The following SGMS2 variants were observed in gnomAD, a reference collection of about 807,000 sequenced individuals.
The protein encoded by SGMS2 is sphingomyelin synthase 2.
A neutral mutation model predicts 43.8 loss-of-function variants in SGMS2; 21 were observed. The observed-to-expected ratio is 0.48, with a 90% CI of 0.34 to 0.69. The LOEUF (loss-of-function observed/expected upper bound fraction) is 0.69. SGMS2 is among the 30% of genes least tolerant of loss of function. The pLI is 0.01. For missense variants in SGMS2, 384 were observed against 443.2 expected (o/e 0.87, Z 1.20); for synonymous variants, 167 against 160.6 (o/e 1.04, Z -0.30).
chr4:107,894,987 G>A (rs1730545431), intron 2 of SGMS2, among the ~76,000 whole-genome samples: 1 of 152,076 alleles, frequency 6.6e-6, no homozygotes. Flanking sequence ...ATGACTTCAT[G>A]GTTAGCAACA....
chr4:107,869,520 G>A (rs985208634), intron 2 of SGMS2, among the ~76,000 whole-genome samples: 1 of 152,148 alleles, frequency 6.6e-6, no homozygotes, highest in Non-Finnish European at 1.5e-5. Flanking sequence ...TGTAAGCAAT[G>A]CTAAGAAACA....
At chr4:107,881,417 C>T (rs1026405314) in intron 2 of SGMS2, among the ~76,000 whole-genome samples, 1 of 152,024 alleles carries the variant, frequency 6.6e-6, no homozygotes, top group African/African-American at 2.4e-5. Context: ...TCTGCTACTT[C>T]CTCTCTGACC....
In SGMS2 at chr4:107,901,733, T is replaced by C. The variant is rs139497918; in HGVS notation, c.574-1500T>C. Among the ~76,000 whole-genome samples the C allele has an allele frequency of 6.1e-3, 935 of 152,300 alleles. 2 individuals are homozygous for C. The highest frequency in any genetic ancestry group is 0.031 in the Middle Eastern group (9 of 294). ...TCTTCAAAGTGTGTTTACATAAGTGTTGGCCCCATTATTATAAAAGGATTA... is the reference window on the plus strand; with the variant it reads ...TCTTCAAAGTGTGTTTACATAAGTGCTGGCCCCATTATTATAAAAGGATTA... On this transcript the variant is annotated intron_variant, in intron 4 of 6. Transcript: ENST00000690982.
intron 2 of SGMS2, 114 bp from the exon 3 acceptor site, chr4:107,895,196 T>G (rs1016187101): frequency 5.0e-6 from 1 of 201,438 alleles, no homozygotes; most frequent in Non-Finnish European, 1.0e-5. Context: ...TGACGTTACA[T>G]TTATAAAGCA....
intron 1 of SGMS2, among the ~76,000 whole-genome samples, chr4:107,856,770 C>A (rs561319843): frequency 6.6e-6 from 1 of 152,120 alleles, no homozygotes; most frequent in South Asian, 2.1e-4. Flanking sequence ...GTAATGCTTA[C>A]TGGAATATAG....
intron 1 of SGMS2, among the ~76,000 whole-genome samples, chr4:107,849,040 G>A (rs1269581094): frequency 2.6e-5 from 4 of 151,702 alleles, no homozygotes; most frequent in African/African-American, 9.7e-5. Context: ...TTTTACATAT[G>A]GAAGTCGGGT....
intron 2 of SGMS2, among the ~76,000 whole-genome samples, chr4:107,877,774 A>G (rs1729017553): frequency 6.6e-6 from 1 of 152,182 alleles, no homozygotes; most frequent in African/African-American, 2.4e-5. Flanking sequence ...GTAGATAAGC[A>G]TTTTAACACA....
chr4:107,904,804 G>A (rs1436131828), intron 5 of SGMS2, among the ~76,000 whole-genome samples: 1 of 152,062 alleles, frequency 6.6e-6, no homozygotes, highest in African/African-American at 2.4e-5. Flanking sequence ...GGGGTTGGAT[G>A]GAAGGATATA....
intron 2 of SGMS2, among the ~76,000 whole-genome samples, chr4:107,874,486 T>A (rs1489824688): frequency 6.6e-6 from 1 of 152,176 alleles, no homozygotes; most frequent in African/African-American, 2.4e-5. Context: ...CTAAAGAACC[T>A]TATTTTTCCC....
intron 1 of SGMS2, among the ~76,000 whole-genome samples, chr4:107,828,064 C>G (rs1171428035): frequency 6.6e-6 from 1 of 152,098 alleles, no homozygotes; most frequent in Non-Finnish European, 1.5e-5. Flanking sequence ...GAGGATTATC[C>G]TTGTATGAGT....
chr4:107,907,614 A>AAAAT (rs932828018), intron 5 of SGMS2, among the ~76,000 whole-genome samples: 9 of 152,200 alleles, frequency 5.9e-5, no homozygotes, highest in Non-Finnish European at 1.0e-4. Flanking sequence ...TCCCTCTCAA[A>AAAAT]AAATAAATAA....
rs576913710 is a variant in SGMS2 at position 107,880,779 on chromosome 4, GGGA to G, written c.-244-14528_-244-14526del. On this transcript the variant is annotated intron_variant, in intron 2 of 6. Transcript: ENST00000690982. ...TGAGGCATGAAGATCGCTTGAACCT[GGGA>G]GGCTGAGATTACAGTGAGCCAAGAT... Among the ~76,000 whole-genome samples, 60 of 151,618 alleles carry G rather than the reference GGGA, an allele frequency of 4.0e-4. 1 individual carries two copies. Among genetic ancestry groups the G allele is most frequent in the African/African-American group, 1.3e-3 (55 of 41,340 alleles).
chr4:107,896,108 C>A (rs1730649144), intron 3 of SGMS2, 100 bp downstream of exon 3: 3 of 1,045,282 alleles, frequency 2.9e-6, no homozygotes, highest in Admixed American at 2.6e-5. Context: ...CCAATAAATT[C>A]AGTCTTACCC....
intron 1 of SGMS2, among the ~76,000 whole-genome samples, chr4:107,841,095 TA>T (rs1156427549): frequency 6.6e-6 from 1 of 152,048 alleles, no homozygotes; most frequent in East Asian, 1.9e-4. Context: ...GCTGGGAAAA[TA>T]AGAAGAGAGA....
intron 2 of SGMS2, among the ~76,000 whole-genome samples, chr4:107,888,653 G>T (rs907669820): frequency 6.6e-6 from 1 of 151,524 alleles, no homozygotes; most frequent in Non-Finnish European, 1.5e-5. Flanking sequence ...GTATTTCCTG[G>T]TTCATTTTAC....
At chr4:107,905,793 C>T (rs1433495225) in intron 5 of SGMS2, among the ~76,000 whole-genome samples, 4 of 152,184 alleles carry the variant, frequency 2.6e-5, no homozygotes, top group African/African-American at 9.7e-5. Flanking sequence ...CATTATTGTA[C>T]ATTCTTTCAT....
chr4:107,911,293 CATG>C lies in SGMS2; in HGVS notation c.*742_*744del, dbSNP rs954484283. 6.6e-6 allele frequency: 1 copy of C among 152,160 alleles called. No individual in the cohort carries two copies. The highest frequency in any genetic ancestry group is 2.4e-5 in the African/African-American group (1 of 41,440). 9.4% of individuals were successfully genotyped at this position (152,160 alleles called of 1,614,324 possible). On this transcript the variant is annotated 3_prime_UTR_variant, in exon 7 of 7. Coordinates refer to ENST00000690982, the MANE Select transcript of SGMS2 (RefSeq NM_001375905.1). ...ATCTCTATGACAGATACACAGGAAA[CATG>C]AGATGGTTTCTGCTAATGAGTGGCC...
intron 3 of SGMS2, among the ~76,000 whole-genome samples, chr4:107,898,912 C>T (rs1276845819): frequency 6.6e-6 from 1 of 152,124 alleles, no homozygotes; most frequent in African/African-American, 2.4e-5. Flanking sequence ...ATGAAATAAT[C>T]AGCTTACACA....
At chr4:107,896,616 G>A (rs1730691868) in intron 3 of SGMS2, among the ~76,000 whole-genome samples, 1 of 152,094 alleles carries the variant, frequency 6.6e-6, no homozygotes, top group Non-Finnish European at 1.5e-5. Context: ...TTGATTTTTA[G>A]ATTTCTAAAG....
Sources: gnomAD v4.1 joint callset for allele counts (sites outside exome capture counted in the v4.1 genomes callset) on GRCh38, gnomAD v4.1.1 for gene constraint, MANE v1.5 for transcripts, NCBI Gene and HGNC (gene_info 2026-07-23, HGNC 2026-07-21) for gene names.